SOX5: variants seen among roughly 807,000 people sequenced by gnomAD.
The protein encoded by SOX5 is SRY-box transcription factor 5.
Under a neutral mutation model 92.0 loss-of-function variants are expected in SOX5, and 9 were observed. The observed-to-expected ratio is 0.10, with a 90% CI of 0.06 to 0.17. The LOEUF (loss-of-function observed/expected upper bound fraction) is 0.17. SOX5 is among the 10% of genes least tolerant of loss of function. SOX5 has a pLI of 1.00. For synonymous variants in SOX5, 344 were observed against 336.3 expected (o/e 1.02, Z -0.25); for missense variants, 642 against 944.5 (o/e 0.68, Z 4.20).
At chr12:23,773,107 A>C (rs919021915) in intron 3 of SOX5, among the ~76,000 whole-genome samples, 1 of 152,198 alleles carries the variant, frequency 6.6e-6, no homozygotes, top group Non-Finnish European at 1.5e-5. Context: ...TAAATACTTA[A>C]CATTCTGAAT....
At chr12:23,972,914 C>T (rs1214401607) in intron 4 of SOX5, among the ~76,000 whole-genome samples, 1 of 151,988 alleles carries the variant, frequency 6.6e-6, no homozygotes, top group Non-Finnish European at 1.5e-5. Context: ...AAAACTATTC[C>T]TCTAGTCTAA....
intron 1 of SOX5, among the ~76,000 whole-genome samples, chr12:24,499,014 A>G (rs933690789): frequency 2.0e-5 from 3 of 152,192 alleles, no homozygotes; most frequent in African/African-American, 7.2e-5. Flanking sequence ...GCCTTCTCAA[A>G]GAAGCCCACC....
intron 3 of SOX5, among the ~76,000 whole-genome samples, chr12:24,265,901 C>T (rs894777517): frequency 4.6e-5 from 7 of 152,004 alleles, no homozygotes; most frequent in Non-Finnish European, 1.0e-4. Context: ...TTTATCTAAC[C>T]AGAGTCTTAT....
chr12:23,735,321 C>G (rs189243833), intron 5 of SOX5, among the ~76,000 whole-genome samples: 1 of 152,086 alleles, frequency 6.6e-6, no homozygotes, highest in African/African-American at 2.4e-5. Flanking sequence ...AAGAAGGTTG[C>G]CAATCACATG....
chr12:23,602,938 G>A (rs2074696943), intron 9 of SOX5, among the ~76,000 whole-genome samples: 2 of 152,052 alleles, frequency 1.3e-5, no homozygotes, highest in South Asian at 4.1e-4. Flanking sequence ...CACAGAAGAT[G>A]CACAGTCCAT....
intron 1 of SOX5, among the ~76,000 whole-genome samples, chr12:24,533,510 G>C (rs1482039408): frequency 6.6e-6 from 1 of 152,102 alleles, no homozygotes; most frequent in Non-Finnish European, 1.5e-5. Context: ...TAAGATATGA[G>C]AGGGATAAAG....
intron 4 of SOX5, among the ~76,000 whole-genome samples, chr12:24,143,671 A>G (rs548027229): frequency 6.3e-4 from 96 of 152,288 alleles, no homozygotes; most frequent in African/African-American, 2.2e-3. Context: ...AATAGACACA[A>G]TCTTAAGTAA....
chr12:23,814,545 A>C (rs929441560), intron 3 of SOX5, among the ~76,000 whole-genome samples: 2 of 152,188 alleles, frequency 1.3e-5, no homozygotes, highest in Admixed American at 1.3e-4. Flanking sequence ...CTTCTACAAA[A>C]CAATTTTTCT....
intron 8 of SOX5, among the ~76,000 whole-genome samples, chr12:23,626,646 G>C (rs1214948243): frequency 2.1e-5 from 3 of 145,916 alleles, no homozygotes; most frequent in Non-Finnish European, 3.0e-5. Flanking sequence ...GGGGATTTCT[G>C]GGCTCTTGGC....
chr12:23,830,819 T>C (rs941951759), intron 3 of SOX5, among the ~76,000 whole-genome samples: 1 of 152,136 alleles, frequency 6.6e-6, no homozygotes, highest in African/African-American at 2.4e-5. Context: ...TGCCTGTTGA[T>C]GTAATATGGT....
chr12:23,668,751 ATAAT>A (rs141902393), intron 6 of SOX5, among the ~76,000 whole-genome samples: 3,001 of 152,258 alleles, frequency 0.02, 108 homozygotes, highest in African/African-American at 0.068. Flanking sequence ...TAAATAATTC[ATAAT>A]ACACATAAGA....
chr12:23,943,510 C>T (rs1443569580), intron 1 of SOX5, among the ~76,000 whole-genome samples: 1 of 152,034 alleles, frequency 6.6e-6, no homozygotes, highest in Non-Finnish European at 1.5e-5. Context: ...TCATCAGATA[C>T]ATTTATACGC....
intron 4 of SOX5, among the ~76,000 whole-genome samples, chr12:24,035,135 C>A (rs773666871): frequency 6.6e-6 from 1 of 152,086 alleles, no homozygotes; most frequent in Admixed American, 6.6e-5. Context: ...GGCAGTGACG[C>A]CCTTTGTGAG....
At chr12:24,363,716 G>GAA (rs34955714) in intron 2 of SOX5, among the ~76,000 whole-genome samples, 12,448 of 145,260 alleles carry the variant, frequency 0.086, 693 homozygotes, top group African/African-American at 0.16. Flanking sequence ...GGAAGCACAT[G>GAA]AAAAAAAAAA....
intron 4 of SOX5, among the ~76,000 whole-genome samples, chr12:24,089,547 A>C (rs1398818964): frequency 6.6e-6 from 1 of 152,172 alleles, no homozygotes; most frequent in African/African-American, 2.4e-5. Flanking sequence ...GAAAAATTAA[A>C]TGTTTGTTAA....
chr12:24,090,662 T>C (rs1445599165), intron 4 of SOX5, among the ~76,000 whole-genome samples: 1 of 152,216 alleles, frequency 6.6e-6, no homozygotes, highest in Non-Finnish European at 1.5e-5. Context: ...AGTTTCATTA[T>C]TATTGTTAAC....
At chr12:23,850,080 C>T (rs1214755395) in intron 2 of SOX5, among the ~76,000 whole-genome samples, 1 of 152,078 alleles carries the variant, frequency 6.6e-6, no homozygotes, top group Non-Finnish European at 1.5e-5. Flanking sequence ...CTTTGGTGCT[C>T]AACAAGTTTT....
At chr12:24,472,289 G>T (rs1202672158) in intron 1 of SOX5, among the ~76,000 whole-genome samples, 1 of 152,250 alleles carries the variant, frequency 6.6e-6, no homozygotes, top group African/African-American at 2.4e-5. Context: ...AGGTTAAAGG[G>T]AATCCAGAGG....
chr12:23,961,118 AC>A (rs1325139398), intron 4 of SOX5, among the ~76,000 whole-genome samples: 1 of 152,172 alleles, frequency 6.6e-6, no homozygotes, highest in Non-Finnish European at 1.5e-5. Context: ...CCTGAAAGTT[AC>A]ATTTTTATTA....
Sources: allele counts gnomAD v4.1 joint callset (sites outside exome capture counted in the v4.1 genomes callset), GRCh38; gene constraint gnomAD v4.1.1; transcripts MANE v1.5; gene names NCBI Gene and HGNC (gene_info 2026-07-23, HGNC 2026-07-21).